Variants in FHOD3 observed in about 807,000 individuals in gnomAD.
FHOD3 encodes FH1/FH2 domain-containing protein 3.
FHOD3 carries 90 observed loss-of-function variants against 173.0 expected under a neutral mutation model. That is an observed-to-expected ratio of 0.52 (90% CI 0.44 to 0.62). The LOEUF (loss-of-function observed/expected upper bound fraction) is 0.62. FHOD3 is among the 20% of genes least tolerant of loss of function. The pLI is 0.00. For missense variants in FHOD3, 1,945 were observed against 2,034.7 expected (o/e 0.96, Z 0.85); for synonymous variants, 828 against 823.0 (o/e 1.01, Z -0.10).
At chr18:36,742,407 A>C (rs1156418231) in intron 21 of FHOD3, among the ~76,000 whole-genome samples, 3 of 152,210 alleles carry the variant, frequency 2.0e-5, no homozygotes, top group East Asian at 3.9e-4. Flanking sequence ...ACTGTGGTCT[A>C]GAAGCCGAAG....
At chr18:36,456,127 T>A (rs2052196700) in intron 3 of FHOD3, among the ~76,000 whole-genome samples, 1 of 152,122 alleles carries the variant, frequency 6.6e-6, no homozygotes, top group African/African-American at 2.4e-5. Context: ...GAACTTCTTT[T>A]GTCCTGCGCA....
At chr18:36,630,931 GT>G (rs1400521854) in intron 10 of FHOD3, among the ~76,000 whole-genome samples, 1 of 152,230 alleles carries the variant, frequency 6.6e-6, no homozygotes, top group East Asian at 1.9e-4. Flanking sequence ...GGAGTCAGGA[GT>G]TGTAGCCAAG....
At chr18:36,335,831 C>T (rs879610156) in intron 1 of FHOD3, among the ~76,000 whole-genome samples, 1 of 152,178 alleles carries the variant, frequency 6.6e-6, no homozygotes, top group Non-Finnish European at 1.5e-5. Context: ...ACAGGGGTGG[C>T]TCTGAACAGT....
intron 5 of FHOD3, among the ~76,000 whole-genome samples, chr18:36,563,514 C>T (rs1161892261): frequency 2.6e-5 from 4 of 152,214 alleles, no homozygotes; most frequent in African/African-American, 7.2e-5. Context: ...AGCCAACCAT[C>T]AGCCACGTGC....
At chr18:36,770,023 A>G (rs1047353870) in intron 28 of FHOD3, among the ~76,000 whole-genome samples, 3 of 152,166 alleles carry the variant, frequency 2.0e-5, no homozygotes, top group African/African-American at 7.2e-5. Flanking sequence ...TTTTGGTCTG[A>G]ACCTACTGCC....
At chr18:36,403,432 C>T (rs2146716624) in intron 3 of FHOD3, among the ~76,000 whole-genome samples, 1 of 152,250 alleles carries the variant, frequency 6.6e-6, no homozygotes, top group East Asian at 1.9e-4. Context: ...GTGGCAAGTC[C>T]TCCTTTTGTG....
chr18:36,753,210 C>A (rs1224600646), intron 24 of FHOD3, among the ~76,000 whole-genome samples: 1 of 152,110 alleles, frequency 6.6e-6, no homozygotes, highest in Non-Finnish European at 1.5e-5. Flanking sequence ...GGCCTCCTCA[C>A]CCCTCCCCAC....
intron 10 of FHOD3, among the ~76,000 whole-genome samples, chr18:36,638,338 A>AG (rs1290712493): frequency 6.6e-6 from 1 of 152,154 alleles, no homozygotes; most frequent in African/African-American, 2.4e-5. Context: ...TTGGGAGGTG[A>AG]GGCTGTAGCG....
chr18:36,530,902 G>A (rs1247533238), intron 5 of FHOD3, among the ~76,000 whole-genome samples: 5 of 152,134 alleles, frequency 3.3e-5, no homozygotes, highest in Middle Eastern at 3.2e-3. Flanking sequence ...AGGCCCCTGC[G>A]GTGAGTGACT....
At chr18:36,605,645 A>C (rs77633245) in intron 8 of FHOD3, among the ~76,000 whole-genome samples, 7,506 of 150,142 alleles carry the variant, frequency 0.05, 201 homozygotes, top group Non-Finnish European at 0.061. Flanking sequence ...TTCACACACA[A>C]AAAAAAAAAT....
intron 5 of FHOD3, among the ~76,000 whole-genome samples, chr18:36,570,951 T>C (rs556968108): frequency 1.7e-3 from 255 of 152,206 alleles, no homozygotes; most frequent in African/African-American, 5.9e-3. Context: ...CTCCCTAATA[T>C]TAGGAACAAG....
chr18:36,355,453 C>A, intron 1 of FHOD3, 86 bp from the exon 2 acceptor site: 1 of 1,090,382 alleles, frequency 9.2e-7, no homozygotes, highest in Non-Finnish European at 1.4e-6. Flanking sequence ...TTTTACAAAA[C>A]ACAGGAGGGC....
chr18:36,654,348 A>G (rs552167293), intron 13 of FHOD3, among the ~76,000 whole-genome samples: 25 of 152,316 alleles, frequency 1.6e-4, no homozygotes, highest in African/African-American at 3.4e-4. Context: ...TTTGCTTACT[A>G]TATCTGAAGG....
At chr18:36,685,804 T>TAACCACATAGTCTTA (rs1478840850) in intron 15 of FHOD3, among the ~76,000 whole-genome samples, 1 of 152,200 alleles carries the variant, frequency 6.6e-6, no homozygotes, top group Non-Finnish European at 1.5e-5. Context: ...GAGAGATGAC[T>TAACCACATAGTCTTA]AACCACATAG....
intron 3 of FHOD3, among the ~76,000 whole-genome samples, chr18:36,466,054 C>A (rs1317269491): frequency 2.0e-5 from 3 of 152,122 alleles, no homozygotes; most frequent in Non-Finnish European, 4.4e-5. Flanking sequence ...CACCCACCCC[C>A]AATGCATACA....
intron 8 of FHOD3, among the ~76,000 whole-genome samples, chr18:36,610,655 G>A (rs945011498): frequency 1.3e-5 from 2 of 152,164 alleles, no homozygotes. Context: ...GCCATTATTC[G>A]AGTTATGAAT....
At chr18:36,594,765 A>T (rs761955334) in intron 6 of FHOD3, 22 bp from the exon 7 acceptor site, 1 of 1,583,076 alleles carries the variant, frequency 6.3e-7, no homozygotes, top group Non-Finnish European at 8.7e-7. Context: ...CAGTGATGTG[A>T]TGGTTTTATC....
intron 3 of FHOD3, among the ~76,000 whole-genome samples, chr18:36,471,795 G>A (rs1488703349): frequency 1.3e-5 from 2 of 152,168 alleles, no homozygotes; most frequent in African/African-American, 4.8e-5. Context: ...GCAGCACGCG[G>A]AAAGGTTTTT....
At chr18:36,704,398 G>A (rs771861731) in intron 17 of FHOD3, among the ~76,000 whole-genome samples, 3 of 152,138 alleles carry the variant, frequency 2.0e-5, no homozygotes, top group African/African-American at 4.8e-5. Flanking sequence ...CCAAATGCAC[G>A]CCCACTGCTA....
Sources: allele counts gnomAD v4.1 joint callset (sites outside exome capture counted in the v4.1 genomes callset), GRCh38; gene constraint gnomAD v4.1.1; transcripts MANE v1.5; gene names NCBI Gene and HGNC (gene_info 2026-07-23, HGNC 2026-07-21).